OSGEPL1: variants seen among roughly 807,000 people sequenced by gnomAD.
The protein encoded by OSGEPL1 is O-sialoglycoprotein endopeptidase like 1.
Under a neutral mutation model 37.2 loss-of-function variants are expected in OSGEPL1, and 26 were observed. The observed-to-expected ratio is 0.70, with a 90% CI of 0.51 to 0.97. OSGEPL1 has a LOEUF of 0.97. Among genes scored for constraint, OSGEPL1 ranks in the 50% least tolerant of loss-of-function variants. The probability of loss-of-function intolerance (pLI) is 0.00; values close to 1 mark genes in which losing one functional copy is unlikely to be tolerated. For missense variants in OSGEPL1, 404 were observed against 487.0 expected, an observed-to-expected ratio of 0.83 and a Z score of 1.60; for synonymous variants, 140 against 159.9, an observed-to-expected ratio of 0.88 and a Z score of 0.94.
At chr2:189,762,836 T>G (rs1415429688), upstream of OSGEPL1, 1 of 985,320 alleles carries the variant, frequency 1.0e-6, no homozygotes, top group African/African-American at 1.7e-5. Context: ...TGGCTGCTGT[T>G]CCGCTAGCGA....
At chr2:189,762,483 A>G (rs1574947999) in intron 1 of OSGEPL1, 2 of 647,500 alleles carry the variant, frequency 3.1e-6, no homozygotes, top group Non-Finnish European at 3.8e-6. Context: ...TAGAGGAATT[A>G]GATTTGCATT....
chr2:189,759,729 G>A (rs775490099), intron 2 of OSGEPL1, among the ~76,000 whole-genome samples: 20 of 151,134 alleles, frequency 1.3e-4, no homozygotes, highest in Admixed American at 5.3e-4. Flanking sequence ...ATACTCATCT[G>A]TAGAGTATTT....
chr2:189,754,389 G>A (rs41270233), intron 3 of OSGEPL1, 44 bp from the exon 4 acceptor site: 1 of 1,494,226 alleles, frequency 6.7e-7, no homozygotes, highest in Non-Finnish European at 9.0e-7. Context: ...ATTAAATACT[G>A]TGAAACGAAA....
Position 189,752,989 on chromosome 2 carries a change from T to C in OSGEPL1, c.964-10A>G, listed in dbSNP as rs1462502977. 2.5e-6 allele frequency: 4 copies of C among 1,598,108 alleles called. No homozygotes were observed. The highest frequency in any genetic ancestry group is 2.3e-5 in the South Asian group (2 of 88,014). ...CACCACCAGATGCAACCTGAAGGAA[T>C]TGAGAAAACCAAAATAACTATCATA... On this transcript the variant is annotated splice_polypyrimidine_tract_variant and intron_variant, in intron 5 of 8. Transcript: ENST00000264151.
chr2:189,754,895 CT>C (rs2045865523), intron 3 of OSGEPL1: 1 of 397,584 alleles, frequency 2.5e-6, no homozygotes, highest in Non-Finnish European at 4.4e-6. Context: ...GAAGCACGTT[CT>C]TTCACATACA....
intron 1 of OSGEPL1, among the ~76,000 whole-genome samples, chr2:189,761,891 T>C (rs2047116767): frequency 6.6e-6 from 1 of 152,222 alleles, no homozygotes; most frequent in Non-Finnish European, 1.5e-5. Flanking sequence ...ACTTGCATGC[T>C]GTTCCTACCA....
At chr2:189,747,338 C>CA (rs5837164) in intron 8 of OSGEPL1, 170 bp from the exon 9 acceptor site, 23,768 of 75,734 alleles carry the variant, frequency 0.31, 6,271 homozygotes, top group African/African-American at 0.56. Context: ...GACCCTGTCT[C>CA]AAAAAAAAAA....
At chr2:189,762,647 A>T (rs3749013) in intron 1 of OSGEPL1, 38 bp downstream of exon 1, 2 of 985,276 alleles carry the variant, frequency 2.0e-6, no homozygotes, top group East Asian at 2.3e-4. Flanking sequence ...AGGTGCGCAA[A>T]AGCGTCAGTG....
chr2:189,752,942 C>A lies in OSGEPL1; in HGVS notation c.1001G>T (p.Arg334Leu). The A allele has an allele frequency of 6.2e-7, 1 of 1,613,072 alleles. No individual in the cohort carries two copies. The highest frequency in any genetic ancestry group is 8.5e-7 in the Non-Finnish European group (1 of 1,179,614). ...SGGVASNFYI[R>L]RALEILTNAT... ...ATTTGTTAAAATTTCCAGAGCTCTG[C>A]GGATATAGAAGTTACTTGCGACACC... Residue 334 changes from arginine (R) to leucine (L), a missense_variant, in exon 6 of 9, where the codon CGC (arginine) becomes CTC (leucine). By Grantham distance (102) the Arg-to-Leu change is moderately radical (BLOSUM62 -2). Coordinates refer to ENST00000264151, the MANE Select transcript of OSGEPL1 (RefSeq NM_022353.3).
rs2044225709 is a variant in OSGEPL1 at position 189,746,826 on chromosome 2, T to C, written c.*371A>G. On this transcript the variant is annotated 3_prime_UTR_variant, in exon 9 of 9. Coordinates refer to ENST00000264151, the MANE Select transcript of OSGEPL1 (RefSeq NM_022353.3). ...AGTTATGGTTTCAAAAAATTAGGAT[T>C]TCTGTAAACAAAGGCCTGCACTTAA... is the stretch of plus-strand genomic sequence containing the variant. 1 of 529,126 alleles carries C rather than the reference T, an allele frequency of 1.9e-6. No homozygotes were observed. Among genetic ancestry groups the C allele is most frequent in the Admixed American group, 4.1e-5 (1 of 24,260 alleles). The allele number at this position is 529,126 out of a possible 1,614,324, so 32.8% of individuals were successfully genotyped here. A position where few individuals can be genotyped will look rare whatever the true frequency, so the allele number is the denominator to read the frequency against.
upstream of OSGEPL1, chr2:189,763,143 T>C (rs574359578): frequency 2.6e-5 from 26 of 985,104 alleles, no homozygotes; most frequent in Admixed American, 1.2e-3. Flanking sequence ...TATCATCAAA[T>C]CTAAACTTAG....
chr2:189,749,449 T>C (rs2044750901), intron 8 of OSGEPL1, among the ~76,000 whole-genome samples: 1 of 151,590 alleles, frequency 6.6e-6, no homozygotes, highest in Admixed American at 6.6e-5. Context: ...CCTCCAGATA[T>C]AGAGGGTTAC....
rs552270156 is a variant in OSGEPL1, at chr2:189,747,696, T to C, written c.*29-528A>G. ...GTACTTTATTTTACTTACTTACTTA[T>C]TTATTTATTTATTCGAGATGGAGTC... On this transcript the variant is annotated intron_variant, in intron 8 of 8. Coordinates refer to ENST00000264151, the MANE Select transcript of OSGEPL1 (RefSeq NM_022353.3). Among the ~76,000 whole-genome samples the C allele has an allele frequency of 6.6e-5, 10 of 152,006 alleles. No individual in the cohort carries two copies. The East Asian group carries it at 1.2e-3, about 18-fold the overall frequency.
chr2:189,761,317 G>A, intron 2 of OSGEPL1, 103 bp downstream of exon 2: 1 of 1,251,928 alleles, frequency 8.0e-7, no homozygotes, highest in Non-Finnish European at 1.1e-6. Context: ...TTGCAAAAAG[G>A]AATAAGACAG....
In OSGEPL1 at chr2:189,746,895, T is replaced by C; in HGVS notation, c.*302A>G. Reference sequence around the variant, plus strand: ...TGACATGAGTGGTATAACTAGTGTATATATCAAGAGTTAACATTTTTAAAT... The same window carrying C: ...TGACATGAGTGGTATAACTAGTGTACATATCAAGAGTTAACATTTTTAAAT... On this transcript the variant is annotated 3_prime_UTR_variant, in exon 9 of 9. Coordinates refer to ENST00000264151, the MANE Select transcript of OSGEPL1 (RefSeq NM_022353.3). The C allele has an allele frequency of 4.1e-6, 1 of 243,604 alleles. No individual in the cohort carries two copies. The highest frequency in any genetic ancestry group is 1.3e-3 in the Middle Eastern group (1 of 748). 15.1% of individuals were successfully genotyped at this position (243,604 alleles called of 1,614,324 possible).
At chr2:189,750,305 T>C (rs1351433892) in intron 8 of OSGEPL1, among the ~76,000 whole-genome samples, 1 of 152,182 alleles carries the variant, frequency 6.6e-6, no homozygotes, top group Non-Finnish European at 1.5e-5. Flanking sequence ...TTTCAAAGCT[T>C]CCTTTCTACC....
chr2:189,757,118 T>C (rs879734459), intron 2 of OSGEPL1, among the ~76,000 whole-genome samples: 2 of 152,198 alleles, frequency 1.3e-5, no homozygotes, highest in Admixed American at 6.6e-5. Flanking sequence ...GTGTGGATTA[T>C]GGAACAAAGC....
At chr2:189,757,342 G>T (rs1024431761) in intron 2 of OSGEPL1, among the ~76,000 whole-genome samples, 1 of 152,154 alleles carries the variant, frequency 6.6e-6, no homozygotes, top group African/African-American at 2.4e-5. Flanking sequence ...TTGGAAGAAG[G>T]GACTCCTCCT....
At chr2:189,763,150 T>C (rs1225116), upstream of OSGEPL1, 30 of 985,094 alleles carry the variant, frequency 3.0e-5, no homozygotes, top group South Asian at 4.7e-4. Context: ...AAATCTAAAC[T>C]TAGGGGTGAG....
Sources: gnomAD v4.1 joint callset for allele counts (sites outside exome capture counted in the v4.1 genomes callset) on GRCh38, gnomAD v4.1.1 for gene constraint, MANE v1.5 for transcripts, NCBI Gene and HGNC (gene_info 2026-07-23, HGNC 2026-07-21) for gene names.